Variants in NBEAL1 observed in about 807,000 individuals in gnomAD.
NBEAL1 encodes neurobeachin like 1, also known as neurobeachin-like protein 1.
In NBEAL1, 273 loss-of-function variants were observed where a neutral mutation model predicts 351.3. The observed-to-expected ratio is 0.78, with a 90% CI of 0.70 to 0.86. The LOEUF is 0.86. Ranked by LOEUF, NBEAL1 falls within the 40% of genes least tolerant of loss-of-function variation. The probability of loss-of-function intolerance (pLI) is 0.00; values close to 1 mark genes in which losing one functional copy is unlikely to be tolerated. For synonymous variants in NBEAL1, 1,050 were observed against 1,086.4 expected (o/e 0.97, Z 0.66); for missense variants, 2,961 against 3,201.3 (o/e 0.92, Z 1.81).
chr2:203,093,382 A>T (rs2062109378), intron 10 of NBEAL1, among the ~76,000 whole-genome samples: 1 of 152,206 alleles, frequency 6.6e-6, no homozygotes, highest in African/African-American at 2.4e-5. Context: ...TATCTTTTTA[A>T]AAAATACAAA....
chr2:203,123,066 A>G (rs2062862485), intron 19 of NBEAL1, among the ~76,000 whole-genome samples: 1 of 151,318 alleles, frequency 6.6e-6, no homozygotes, highest in Non-Finnish European at 1.5e-5. Context: ...ATAAAAGATA[A>G]TTATAAGAGG....
chr2:203,107,281 G>A, intron 12 of NBEAL1, 139 bp from the exon 13 acceptor site: 1 of 483,844 alleles, frequency 2.1e-6, no homozygotes, highest in Non-Finnish European at 3.7e-6. Flanking sequence ...ATTTAAGAAG[G>A]CAAATAGTGA....
intron 12 of NBEAL1, among the ~76,000 whole-genome samples, chr2:203,103,105 A>G (rs560704587): frequency 2.3e-4 from 35 of 152,170 alleles, no homozygotes; most frequent in African/African-American, 7.7e-4. Context: ...AGAGGTGTTC[A>G]TAGTAGTCTT....
chr2:203,180,622 T>C, intron 43 of NBEAL1, 110 bp downstream of exon 43: 1 of 1,015,692 alleles, frequency 9.8e-7, no homozygotes. Flanking sequence ...AGATTCATTC[T>C]GTCTGTGGAT....
intron 10 of NBEAL1, among the ~76,000 whole-genome samples, chr2:203,091,111 A>G (rs924284063): frequency 3.3e-5 from 5 of 151,762 alleles, no homozygotes; most frequent in African/African-American, 1.2e-4. Flanking sequence ...TAAAATGAAA[A>G]CTCTATACCC....
intron 41 of NBEAL1, among the ~76,000 whole-genome samples, chr2:203,173,719 C>T (rs11678459): frequency 6.6e-6 from 1 of 151,820 alleles, no homozygotes. Context: ...AAACAGTGTT[C>T]TAAGGAAACA....
intron 3 of NBEAL1, among the ~76,000 whole-genome samples, chr2:203,045,349 T>G (rs777187407): frequency 1.3e-5 from 2 of 152,182 alleles, no homozygotes; most frequent in Non-Finnish European, 2.9e-5. Flanking sequence ...ATTGGTTATA[T>G]CTGAATCTTT....
Position 203,218,033 on chromosome 2 carries a change from T to A in NBEAL1, c.*679T>A. 1 of 702,324 alleles carries A rather than the reference T, an allele frequency of 1.4e-6. No individual in the cohort carries two copies. The highest frequency in any genetic ancestry group is 1.7e-6 in the Non-Finnish European group (1 of 571,988). The allele number at this position is 702,324 out of a possible 1,614,324, so 43.5% of individuals were successfully genotyped here. A position where few individuals can be genotyped will look rare whatever the true frequency, so the allele number is the denominator to read the frequency against. On this transcript the variant is annotated 3_prime_UTR_variant, in exon 56 of 56. Coordinates refer to ENST00000683969, the MANE Select transcript of NBEAL1 (RefSeq NM_001378026.1). ...AGATGTATTTCCTTAATAATATAAT[T>A]AAGCAAAAGTGCTAATTGTGATTTT...
At position 203,175,180 on chromosome 2, in the gene NBEAL1, T is replaced by C. The variant is rs1211867279; in HGVS notation, c.6357T>C (p.Ile2119=). Reference sequence around the variant, plus strand: ...ATTTTGAGGATCCTATGGGAACTATTGATAAGTTTCACTATGGTACTCACT... The same window carrying C: ...ATTTTGAGGATCCTATGGGAACTATCGATAAGTTTCACTATGGTACTCACT... ...YENFEDPMGT[I]DKFHYGTHYS... is the part of the protein sequence containing the mutation. The change falls in exon 42 of 56, where the codon ATT becomes ATC. Residue 2119 remains isoleucine (I), a synonymous_variant. Coordinates refer to ENST00000683969, the MANE Select transcript of NBEAL1 (RefSeq NM_001378026.1). 5.0e-6 allele frequency: 8 copies of C among 1,612,742 alleles called. No individual in the cohort carries two copies. Among genetic ancestry groups the C allele is most frequent in the East Asian group, 2.2e-5 (1 of 44,794 alleles).
At position 203,016,447 on chromosome 2, in the gene NBEAL1, C is replaced by T. The variant is rs1444432723; in HGVS notation, c.51+12C>T. On this transcript the variant is annotated intron_variant, in intron 2 of 55. Coordinates refer to ENST00000683969, the MANE Select transcript of NBEAL1 (RefSeq NM_001378026.1). ...TTTATTGTACAAAGGTAATTGCTTT[C>T]CTTTTTATTTTTATGTTTTAAAATA... The T allele has an allele frequency of 7.1e-7, 1 of 1,416,170 alleles. No homozygotes were observed. The highest frequency in any genetic ancestry group is 9.4e-7 in the Non-Finnish European group (1 of 1,060,182). The allele number at this position is 1,416,170 out of a possible 1,614,324, so 87.7% of individuals were successfully genotyped here. A position where few individuals can be genotyped will look rare whatever the true frequency, so the allele number is the denominator to read the frequency against.
chr2:203,034,917 T>A (rs1296685151), intron 2 of NBEAL1, among the ~76,000 whole-genome samples: 1 of 149,392 alleles, frequency 6.7e-6, no homozygotes, highest in Non-Finnish European at 1.5e-5. Context: ...AAATGAACTT[T>A]TAAAATTCAA....
At chr2:203,042,999 A>G (rs562654479) in intron 3 of NBEAL1, among the ~76,000 whole-genome samples, 2 of 152,202 alleles carry the variant, frequency 1.3e-5, no homozygotes, top group Non-Finnish European at 2.9e-5. Flanking sequence ...ATGAATAACA[A>G]AAGACATTCT....
At chr2:203,201,196 G>A (rs1179271869) in intron 49 of NBEAL1, among the ~76,000 whole-genome samples, 1 of 152,082 alleles carries the variant, frequency 6.6e-6, no homozygotes, top group Non-Finnish European at 1.5e-5. Context: ...GATATTCCTG[G>A]TCCTGGCATA....
rs79656275 is a variant in NBEAL1 at position 203,166,363 on chromosome 2, A to G, written c.5863+66A>G. 1,057 of 1,416,284 alleles carry G rather than the reference A, an allele frequency of 7.5e-4. 18 individuals carry two copies. The East Asian group carries it at 0.024, about 32-fold the overall frequency. 87.7% of individuals were successfully genotyped at this position (1,416,284 alleles called of 1,614,324 possible). ...TTAAGTATCTAATTTATCAATCATG[A>G]ATGAGAAGAAGAAAGCAGTAAGATA... On this transcript the variant is annotated intron_variant, in intron 37 of 55. Transcript: ENST00000683969.
At chr2:203,166,616 G>A (rs1480947931) in intron 37 of NBEAL1, among the ~76,000 whole-genome samples, 3 of 152,028 alleles carry the variant, frequency 2.0e-5, no homozygotes, top group Non-Finnish European at 4.4e-5. Flanking sequence ...GTGCGATCTC[G>A]GCTCACTGAG....
intron 2 of NBEAL1, among the ~76,000 whole-genome samples, chr2:203,034,706 G>A (rs747538988): frequency 3.4e-5 from 5 of 148,180 alleles, no homozygotes; most frequent in East Asian, 3.9e-4. Flanking sequence ...TGCCTGCTTC[G>A]GCCTCCCAAA....
At chr2:203,040,682 T>C (rs2061126376) in intron 2 of NBEAL1, 38 of 633,066 alleles carry the variant, frequency 6.0e-5, no homozygotes, top group South Asian at 5.2e-4. Context: ...ATTCATGAAA[T>C]TGCCTTCCCA....
intron 55 of NBEAL1, chr2:203,213,869 C>T (rs2065854242): frequency 1.3e-6 from 1 of 749,972 alleles, no homozygotes. Flanking sequence ...ATTCTATCTA[C>T]CACTCTATAG....
chr2:203,117,901 C>A (rs1282878959), intron 18 of NBEAL1, among the ~76,000 whole-genome samples: 1 of 151,440 alleles, frequency 6.6e-6, no homozygotes, highest in Non-Finnish European at 1.5e-5. Flanking sequence ...GTTGCCCAGG[C>A]TAGTCTTGAA....
Sources: gnomAD v4.1 joint callset for allele counts (sites outside exome capture counted in the v4.1 genomes callset) on GRCh38, gnomAD v4.1.1 for gene constraint, MANE v1.5 for transcripts, NCBI Gene and HGNC (gene_info 2026-07-23, HGNC 2026-07-21) for gene names.